Variants in DNAJA1 observed in about 807,000 individuals in gnomAD.
The protein encoded by DNAJA1 is dnaJ homolog subfamily A member 1.
In DNAJA1, 26 loss-of-function variants were observed where a neutral mutation model predicts 47.6. The ratio of observed to expected loss-of-function variants is 0.55; its 90% CI spans 0.40 to 0.76. The LOEUF is 0.76. Ranked by LOEUF, DNAJA1 falls within the 30% of genes least tolerant of loss-of-function variation. The pLI is 0.00. For missense variants in DNAJA1, 315 were observed against 485.0 expected, an observed-to-expected ratio of 0.65 and a Z score of 3.29; for synonymous variants, 165 against 158.4, an observed-to-expected ratio of 1.04 and a Z score of -0.31.
chr9:33,034,206 T>C lies in DNAJA1; in HGVS notation c.644-10T>C, dbSNP rs756131929. ...TTAATAAAAGTACAAAATTAATGTTTTGTTTTTAGGCATGAAAGATGGCCA... is the reference window on the plus strand; with the variant it reads ...TTAATAAAAGTACAAAATTAATGTTCTGTTTTTAGGCATGAAAGATGGCCA... On this transcript the variant is annotated splice_polypyrimidine_tract_variant and intron_variant, in intron 5 of 8. Transcript: ENST00000330899. 6.4e-7 allele frequency: 1 copy of C among 1,559,094 alleles called. No individual in the cohort carries two copies. The highest frequency in any genetic ancestry group is 2.1e-5 in the Admixed American group (1 of 47,736).
intron 7 of DNAJA1, 26 bp downstream of exon 7, chr9:33,036,715 T>C (rs1839041144): frequency 6.6e-7 from 1 of 1,514,488 alleles, no homozygotes; most frequent in Non-Finnish European, 9.1e-7. Context: ...AAGCTTAAAC[T>C]TCTCTTTTCT....
intron 8 of DNAJA1, 115 bp downstream of exon 8, chr9:33,037,230 G>C: frequency 1.3e-6 from 1 of 762,220 alleles, no homozygotes; most frequent in Non-Finnish European, 2.1e-6. Flanking sequence ...CCCGCATTTT[G>C]AGAGGCTGAG....
At chr9:33,036,386 A>G (rs1365935604) in intron 6 of DNAJA1, 188 bp from the exon 7 acceptor site, 1 of 419,342 alleles carries the variant, frequency 2.4e-6, no homozygotes, top group Non-Finnish European at 4.3e-6. Flanking sequence ...TAACTAGGAA[A>G]CGGGGCTGGC....
At chr9:33,028,801 G>A (rs1408724010) in intron 3 of DNAJA1, among the ~76,000 whole-genome samples, 1 of 152,184 alleles carries the variant, frequency 6.6e-6, no homozygotes, top group Non-Finnish European at 1.5e-5. Context: ...TTCAAAATAA[G>A]GGCAGCTAGA....
rs1275915125 is a variant in DNAJA1 at position 33,038,915 on chromosome 9, A to G, written c.*12A>G. On this transcript the variant is annotated 3_prime_UTR_variant, in exon 9 of 9. Coordinates refer to ENST00000330899, the MANE Select transcript of DNAJA1 (RefSeq NM_001539.4). ...GTCAGACCTCTTAATGGGCCAGTGA[A>G]TAACACTCACTGCTGGCATTTAATG... The G allele has an allele frequency of 3.1e-6, 5 of 1,600,422 alleles. No individual in the cohort carries two copies. Among genetic ancestry groups the G allele is most frequent in the South Asian group, 2.2e-5 (2 of 89,952 alleles).
rs370835110 is a variant in DNAJA1 at position 33,034,343 on chromosome 9, A to G, written c.758+13A>G. Reference sequence around the variant, plus strand: ...CTGTTTTTACTCGGTAAAGACTTTTATCAACCACTCAAATTGATATCACAT... The same window carrying G: ...CTGTTTTTACTCGGTAAAGACTTTTGTCAACCACTCAAATTGATATCACAT... On this transcript the variant is annotated intron_variant, in intron 6 of 8. Coordinates refer to ENST00000330899, the MANE Select transcript of DNAJA1 (RefSeq NM_001539.4). 3.8e-6 allele frequency: 6 copies of G among 1,565,110 alleles called. No homozygotes were observed. The African/African-American group carries it at 8.2e-5, about 21-fold the overall frequency.
At chr9:33,038,600 G>C (rs953640998) in intron 8 of DNAJA1, 85 bp from the exon 9 acceptor site, 2 of 1,256,688 alleles carry the variant, frequency 1.6e-6, no homozygotes, top group Non-Finnish European at 2.2e-6. Context: ...GTGTTTACAT[G>C]TGTTTTTCTG....
intron 8 of DNAJA1, 57 bp from the exon 9 acceptor site, chr9:33,038,628 A>G (rs935817109): frequency 6.6e-7 from 1 of 1,513,838 alleles, no homozygotes; most frequent in African/African-American, 1.4e-5. Flanking sequence ...TGGGTCCATG[A>G]TACTCTAAGG....
At chr9:33,025,706 G>T (rs906690138) in intron 1 of DNAJA1, among the ~76,000 whole-genome samples, 1 of 152,172 alleles carries the variant, frequency 6.6e-6, no homozygotes, top group African/African-American at 2.4e-5. Context: ...GGTGGGGGGG[G>T]GGAGTGGGGT....
chr9:33,031,887 T>C (rs1838967738), intron 5 of DNAJA1, among the ~76,000 whole-genome samples: 2 of 152,212 alleles, frequency 1.3e-5, no homozygotes, highest in Admixed American at 1.3e-4. Flanking sequence ...GAAATAACTA[T>C]ATAACCTTTT....
rs985028850 is a variant in DNAJA1, at chr9:33,039,692, T to C, written c.*789T>C. The C allele has an allele frequency of 2.0e-5, 3 of 151,892 alleles. No homozygotes were observed. Among genetic ancestry groups the C allele is most frequent in the African/African-American group, 7.2e-5 (3 of 41,480 alleles). 9.4% of individuals were successfully genotyped at this position (151,892 alleles called of 1,614,324 possible). A position where few individuals can be genotyped will look rare whatever the true frequency, so the allele number is the denominator to read the frequency against. On this transcript the variant is annotated 3_prime_UTR_variant, in exon 9 of 9. Coordinates refer to ENST00000330899, the MANE Select transcript of DNAJA1 (RefSeq NM_001539.4). ...TTACGTGGAGAATTTGCATGCGTAA[T>C]ATAGGAAGGTGTTCTTTAGGTATGT...
At chr9:33,028,786 C>T (rs796256713) in intron 3 of DNAJA1, among the ~76,000 whole-genome samples, 59 of 152,298 alleles carry the variant, frequency 3.9e-4, no homozygotes, top group African/African-American at 1.3e-3. Context: ...TTATACTCAA[C>T]ACTGTTCAAA....
chr9:33,026,899 A>G lies in DNAJA1; in HGVS notation c.219A>G (p.Lys73=), dbSNP rs1191445913. The part of the protein sequence containing the change: ...LYDKGGEQAI[K]EGGAGGGFGS... The stretch of plus-strand genomic sequence containing the variant: ...ACAAAGGAGGAGAACAGGCAATTAA[A>G]GAGGGTGGAGCAGGTGGCGGTTTTG... Residue 73 remains lysine (K), a synonymous_variant, in exon 3 of 9, where the codon AAA becomes AAG. Coordinates refer to ENST00000330899, the MANE Select transcript of DNAJA1 (RefSeq NM_001539.4). The G allele has an allele frequency of 6.2e-7, 1 of 1,614,206 alleles. No homozygotes were observed. The highest frequency in any genetic ancestry group is 1.1e-5 in the South Asian group (1 of 91,090).
Position 33,039,760 on chromosome 9 carries a change from T to C in DNAJA1, c.*857T>C, listed in dbSNP as rs571019678. On this transcript the variant is annotated 3_prime_UTR_variant, in exon 9 of 9. Transcript: ENST00000330899. ...CCATTTGACTTTCGCTCCAAAGTTATGTTGGTAGTATAGCAAATTATGATG... is the reference window on the plus strand; with the variant it reads ...CCATTTGACTTTCGCTCCAAAGTTACGTTGGTAGTATAGCAAATTATGATG... 69 of 152,152 alleles carry C rather than the reference T, an allele frequency of 4.5e-4. 1 individual carries two copies. The highest frequency in any genetic ancestry group is 2.8e-3 in the Admixed American group (42 of 15,264). 9.4% of individuals were successfully genotyped at this position (152,152 alleles called of 1,614,324 possible).
At chr9:33,032,916 T>C (rs969005517) in intron 5 of DNAJA1, among the ~76,000 whole-genome samples, 3 of 152,176 alleles carry the variant, frequency 2.0e-5, no homozygotes, top group Non-Finnish European at 4.4e-5. Context: ...ATTGGATGGA[T>C]ATGTAGGAAT....
Position 33,034,338 on chromosome 9 carries a change from CTT to C in DNAJA1, c.758+11_758+12del, listed in dbSNP as rs3832625. 2.5e-6 allele frequency: 4 copies of C among 1,590,336 alleles called. No individual in the cohort carries two copies. In the East Asian group the frequency reaches 6.7e-5, roughly 27 times the overall value. Reference sequence around the variant, plus strand: ...CCATGCTGTTTTTACTCGGTAAAGACTTTTATCAACCACTCAAATTGATATCA... The same window carrying C: ...CCATGCTGTTTTTACTCGGTAAAGACTTATCAACCACTCAAATTGATATCA... On this transcript the variant is annotated intron_variant, in intron 6 of 8. Coordinates refer to ENST00000330899, the MANE Select transcript of DNAJA1 (RefSeq NM_001539.4).
rs1333684331 is a variant in DNAJA1, at chr9:33,038,895, A to T, written c.1186A>T (p.Thr396Ser). ...HHPRGGVQCQ[T>S]S Reference sequence around the variant, plus strand: ...TCCCAGAGGTGGTGTTCAGTGTCAGACCTCTTAATGGGCCAGTGAATAACA... The same window carrying T: ...TCCCAGAGGTGGTGTTCAGTGTCAGTCCTCTTAATGGGCCAGTGAATAACA... The change falls in exon 9 of 9, where the codon ACC becomes TCC. Residue 396 changes from threonine (T) to serine (S), a missense_variant. Coordinates refer to ENST00000330899, the MANE Select transcript of DNAJA1 (RefSeq NM_001539.4). 6.2e-7 allele frequency: 1 copy of T among 1,611,668 alleles called. No homozygotes were observed. The highest frequency in any genetic ancestry group is 8.5e-7 in the Non-Finnish European group (1 of 1,179,068).
rs921897474 is a variant in DNAJA1 at position 33,039,670 on chromosome 9, C to T, written c.*767C>T. 4.0e-5 allele frequency: 6 copies of T among 151,354 alleles called. No individual in the cohort carries two copies. Among genetic ancestry groups the T allele is most frequent in the African/African-American group, 1.5e-4 (6 of 41,286 alleles). 9.4% of individuals were successfully genotyped at this position (151,354 alleles called of 1,614,324 possible). ...AGAAATTAAAGTGAAAAGACCTTTA[C>T]GTGGAGAATTTGCATGCGTAATATA... On this transcript the variant is annotated 3_prime_UTR_variant, in exon 9 of 9. Coordinates refer to ENST00000330899, the MANE Select transcript of DNAJA1 (RefSeq NM_001539.4).
At chr9:33,038,359 T>G (rs917148550) in intron 8 of DNAJA1, among the ~76,000 whole-genome samples, 1 of 152,202 alleles carries the variant, frequency 6.6e-6, no homozygotes, top group Non-Finnish European at 1.5e-5. Context: ...TAGCTTTGTT[T>G]AAATATGTCG....
Sources: gnomAD v4.1 joint callset for allele counts (sites outside exome capture counted in the v4.1 genomes callset) on GRCh38, gnomAD v4.1.1 for gene constraint, MANE v1.5 for transcripts, NCBI Gene and HGNC (gene_info 2026-07-23, HGNC 2026-07-21) for gene names.